The following MAP3K4 variants were observed in gnomAD, a reference collection of about 807,000 sequenced individuals.
MAP3K4 encodes the protein MAP three kinase 1.
A neutral mutation model predicts 185.6 loss-of-function variants in MAP3K4; 67 were observed. The ratio of observed to expected loss-of-function variants is 0.36; its 90% CI spans 0.30 to 0.44. MAP3K4 has a LOEUF of 0.44. MAP3K4 is among the 20% of genes least tolerant of loss of function. MAP3K4 has a pLI of 1.00. For missense variants in MAP3K4, 1,551 were observed against 1,995.1 expected (o/e 0.78, Z 4.24); for synonymous variants, 702 against 710.4 (o/e 0.99, Z 0.19).
rs1423793262 is a variant in MAP3K4, at chr6:161,074,889, A to G, written c.2097+1277A>G. 1.3e-5 allele frequency among the ~76,000 whole-genome samples: 2 copies of G among 152,154 alleles called. No homozygotes were observed. The highest frequency in any genetic ancestry group is 2.9e-5 in the Non-Finnish European group (2 of 68,020). On this transcript the variant is annotated intron_variant, in intron 5 of 26. Coordinates refer to ENST00000392142, the MANE Select transcript of MAP3K4 (RefSeq NM_005922.4). This position sits in a 1 kb window ranked among gnomAD's most constrained non-coding sequence, Gnocchi z 5.0. ...GTCCAGACCTTTTTATCAGAGCAAT[A>G]GGAGCTCTCCTGGCAACCCCACCCA...
At chr6:161,072,747 G>A (rs777520195) in intron 4 of MAP3K4, among the ~76,000 whole-genome samples, 3 of 152,148 alleles carry the variant, frequency 2.0e-5, no homozygotes, top group Non-Finnish European at 2.9e-5. Flanking sequence ...TCATATTACA[G>A]TCCCTGTTTA....
chr6:161,077,434 T>TA lies in MAP3K4; in HGVS notation c.2098-3446dup, dbSNP rs531246184. On this transcript the variant is annotated intron_variant, in intron 5 of 26. Transcript: ENST00000392142. The surrounding 1 kb of genome is among the most constrained non-coding windows in gnomAD (Gnocchi z 4.3). ...TTTTTAGCCTCTTTGCTTTTTAACT[T>TA]ATAAAGAGAGGGATCAAGAGAAGCC... Among the ~76,000 whole-genome samples the TA allele has an allele frequency of 3.9e-4, 59 of 152,338 alleles. 1 individual carries two copies. The highest frequency in any genetic ancestry group is 3.4e-3 in the Middle Eastern group (1 of 294).
intron 1 of MAP3K4, among the ~76,000 whole-genome samples, chr6:161,026,288 G>A (rs964019565): frequency 1.0e-4 from 12 of 118,224 alleles, no homozygotes; most frequent in Middle Eastern, 4.1e-3. Flanking sequence ...CCGCCACCAC[G>A]CGCAGCTAAT....
intron 4 of MAP3K4, among the ~76,000 whole-genome samples, chr6:161,072,860 A>G (rs1464120766): frequency 6.6e-6 from 1 of 152,060 alleles, no homozygotes; most frequent in Non-Finnish European, 1.5e-5. Context: ...GTTATTACCT[A>G]TTAGATCTAT....
chr6:161,044,655 C>T (rs917941766), intron 2 of MAP3K4, among the ~76,000 whole-genome samples: 3 of 152,112 alleles, frequency 2.0e-5, no homozygotes, highest in African/African-American at 4.8e-5. Context: ...GTCCATTTTG[C>T]GTTGGCTATA....
rs1785528404 is a variant in MAP3K4, at chr6:161,082,966, C to T, written c.2256-1535C>T. On this transcript the variant is annotated intron_variant, in intron 6 of 26. Coordinates refer to ENST00000392142, the MANE Select transcript of MAP3K4 (RefSeq NM_005922.4). This position sits in a 1 kb window ranked among gnomAD's most constrained non-coding sequence, Gnocchi z 4.2. ...GAAACGTAAGACTGCCTAACAATGG[C>T]CCGCAAGGCCTGACATGGTCCTATT... is the stretch of plus-strand genomic sequence containing the variant. Among the ~76,000 whole-genome samples the T allele has an allele frequency of 6.6e-6, 1 of 152,210 alleles. No individual in the cohort carries two copies. The highest frequency in any genetic ancestry group is 2.4e-5 in the African/African-American group (1 of 41,440).
rs572010560 is a variant in MAP3K4 at position 161,069,835 on chromosome 6, G to A, written c.1708-773G>A. ...AGCTCCCATGGAGCAGGGAGAAGGT[G>A]GGTGAGGACCAAAGGGAGGAGAAGC... On this transcript the variant is annotated intron_variant, in intron 3 of 26. Transcript: ENST00000392142. Among the ~76,000 whole-genome samples the A allele has an allele frequency of 1.4e-4, 22 of 152,198 alleles. No homozygotes were observed. In the South Asian group the frequency reaches 4.4e-3, roughly 30 times the overall value.
At chr6:161,028,452 A>ATT (rs1295454089) in intron 1 of MAP3K4, among the ~76,000 whole-genome samples, 1 of 152,170 alleles carries the variant, frequency 6.6e-6, no homozygotes, top group East Asian at 1.9e-4. Flanking sequence ...ATGTTATTGT[A>ATT]TTTTAAAAGG....
At chr6:161,052,462 G>T (rs1406806199) in intron 3 of MAP3K4, among the ~76,000 whole-genome samples, 2 of 152,140 alleles carry the variant, frequency 1.3e-5, no homozygotes, top group Admixed American at 1.3e-4. Context: ...ATAACTGAAA[G>T]ACTTTATTAG....
In MAP3K4 at chr6:161,101,624, G is replaced by T; in HGVS notation, c.3675-268G>T. 1 of 295,166 alleles carries T rather than the reference G, an allele frequency of 3.4e-6. No individual in the cohort carries two copies. The highest frequency in any genetic ancestry group is 2.2e-5 in the African/African-American group (1 of 46,376). 18.3% of individuals were successfully genotyped at this position (295,166 alleles called of 1,614,324 possible). A position where few individuals can be genotyped will look rare whatever the true frequency, so the allele number is the denominator to read the frequency against. On this transcript the variant is annotated intron_variant, in intron 17 of 26. Transcript: ENST00000392142. This position sits in a 1 kb window ranked among gnomAD's most constrained non-coding sequence, Gnocchi z 5.1. ...TGGAGCCCTCCTTCCAGACTCTAGA[G>T]CTCTAACAGACTCCAGAGGACGGTC...
intron 1 of MAP3K4, among the ~76,000 whole-genome samples, chr6:161,004,843 A>C (rs1021295029): frequency 1.3e-5 from 2 of 152,228 alleles, no homozygotes; most frequent in African/African-American, 4.8e-5. Flanking sequence ...TAAAACAGAG[A>C]ATCTTGCTGT....
Position 161,115,408 on chromosome 6 carries a change from G to A in MAP3K4, c.4806+106G>A. ...AAACTTTAAAGTAGCTATATCTGAA[G>A]TGGAAAGGAACTAAATGTATTATTA... On this transcript the variant is annotated intron_variant, in intron 26 of 26. Coordinates refer to ENST00000392142, the MANE Select transcript of MAP3K4 (RefSeq NM_005922.4). The surrounding 1 kb of genome is among the most constrained non-coding windows in gnomAD (Gnocchi z 6.0). 9.1e-7 allele frequency: 1 copy of A among 1,094,092 alleles called. No individual in the cohort carries two copies. The highest frequency in any genetic ancestry group is 1.3e-6 in the Non-Finnish European group (1 of 774,542). 67.8% of individuals were successfully genotyped at this position (1,094,092 alleles called of 1,614,324 possible). A position where few individuals can be genotyped will look rare whatever the true frequency, so the allele number is the denominator to read the frequency against.
At chr6:161,090,057 T>C (rs888886836) in intron 11 of MAP3K4, among the ~76,000 whole-genome samples, 4 of 152,230 alleles carry the variant, frequency 2.6e-5, no homozygotes, top group Non-Finnish European at 5.9e-5. Flanking sequence ...CCATCAGTTA[T>C]GTCTTCTCAC....
At chr6:161,102,572 C>T (rs1303616998) in intron 18 of MAP3K4, 127 bp from the exon 19 acceptor site, 3 of 601,534 alleles carry the variant, frequency 5.0e-6, no homozygotes, top group Non-Finnish European at 8.7e-6. Context: ...CTACATCAAA[C>T]ACACTAAAAA....
At chr6:161,014,062 A>T (rs1299024347) in intron 1 of MAP3K4, among the ~76,000 whole-genome samples, 2 of 152,244 alleles carry the variant, frequency 1.3e-5, no homozygotes, top group Non-Finnish European at 2.9e-5. Context: ...TATTTTGTAT[A>T]TCACATAGTA....
At position 161,101,739 on chromosome 6, in the gene MAP3K4, C is replaced by G; in HGVS notation, c.3675-153C>G. 1 of 637,654 alleles carries G rather than the reference C, an allele frequency of 1.6e-6. No homozygotes were observed. Among genetic ancestry groups the G allele is most frequent in the Non-Finnish European group, 2.7e-6 (1 of 367,034 alleles). The allele number at this position is 637,654 out of a possible 1,614,324, so 39.5% of individuals were successfully genotyped here. The stretch of plus-strand genomic sequence containing the variant: ...GCCCACTAGATGCCAGTAGCACCCT[C>G]CCAAAAGTGTCTAATACATTGCTGG... On this transcript the variant is annotated intron_variant, in intron 17 of 26. Coordinates refer to ENST00000392142, the MANE Select transcript of MAP3K4 (RefSeq NM_005922.4). The surrounding 1 kb of genome is among the most constrained non-coding windows in gnomAD (Gnocchi z 5.1).
chr6:161,020,448 A>C (rs1728286757), intron 1 of MAP3K4, among the ~76,000 whole-genome samples: 1 of 152,080 alleles, frequency 6.6e-6, no homozygotes. Flanking sequence ...TCACAAGGTT[A>C]GGAGATTGAG....
chr6:161,049,964 C>G lies in MAP3K4; in HGVS notation c.1692C>G (p.Asn564Lys). Residue 564 changes from asparagine to lysine, a missense_variant, in exon 3 of 27, where the codon AAC becomes AAG. Asn to Lys is a moderately conservative substitution (Grantham distance 94). Around this residue, in one of 16 missense-constraint regions of MAP3K4, gnomAD observed 86 missense variants for 81.6 expected, o/e 1.05. Coordinates refer to ENST00000392142, the MANE Select transcript of MAP3K4 (RefSeq NM_005922.4). The surrounding 1 kb of genome is among the most constrained non-coding windows in gnomAD (Gnocchi z 8.4). ...LQRARIALVK[N>K]DRPVEFSEFP... Reference sequence around the variant, plus strand: ...GGGCACGTATAGCATTGGTAAAGAACGATCGTCCAGTGGAGGTAGGTTTCC... The same window carrying G: ...GGGCACGTATAGCATTGGTAAAGAAGGATCGTCCAGTGGAGGTAGGTTTCC... The G allele has an allele frequency of 6.2e-7, 1 of 1,608,614 alleles. No individual in the cohort carries two copies. The highest frequency in any genetic ancestry group is 8.5e-7 in the Non-Finnish European group (1 of 1,177,364).
chr6:161,060,052 AGGACACACACAT>A (rs1784417807), intron 3 of MAP3K4, among the ~76,000 whole-genome samples: 1 of 152,206 alleles, frequency 6.6e-6, no homozygotes, highest in Admixed American at 6.5e-5. Flanking sequence ...CTACTTTCCC[AGGACACACACAT>A]ATCTGACTAT....
Sources: allele counts gnomAD v4.1 joint callset (sites outside exome capture counted in the v4.1 genomes callset), GRCh38; gene constraint gnomAD v4.1.1; regional missense constraint gnomAD v4.1.1; non-coding constraint Gnocchi (gnomAD v3.1); transcripts MANE v1.5; gene names NCBI Gene and HGNC (gene_info 2026-07-23, HGNC 2026-07-21).